The following SLC7A1 variants were observed in gnomAD, a reference collection of about 807,000 sequenced individuals.
SLC7A1 encodes solute carrier family 7 member 1.
In SLC7A1, 10 loss-of-function variants were observed where a neutral mutation model predicts 53.9. The ratio of observed to expected loss-of-function variants is 0.19; its 90% confidence interval spans 0.11 to 0.31. The LOEUF (loss-of-function observed/expected upper bound fraction) is 0.31, where lower values mean the gene tolerates loss of function less well. Ranked by LOEUF, SLC7A1 falls within the 10% of genes least tolerant of loss-of-function variation. The probability of loss-of-function intolerance (pLI) is 1.00; values close to 1 mark genes in which losing one functional copy is unlikely to be tolerated. For missense variants in SLC7A1, 525 were observed against 827.2 expected (o/e 0.63, Z 4.48); for synonymous variants, 342 against 338.7 (o/e 1.01, Z -0.11).
In SLC7A1 at chr13:29,523,313, A is replaced by C. The variant is rs1318130193; in HGVS notation, c.1002T>G (p.Gly334=). The change falls in exon 7 of 13, where the codon GGT becomes GGG. Residue 334 remains glycine (G), a synonymous_variant. Transcript: ENST00000380752. ...AGCCCACGGCCACTGCGTACTTGGCACCTTCCCAGCCCACGTGCTTAAAGG... is the reference window on the plus strand; with the variant it reads ...AGCCCACGGCCACTGCGTACTTGGCCCCTTCCCAGCCCACGTGCTTAAAGG... ...PDAFKHVGWE[G]AKYAVAVGSL... 1 of 1,613,560 alleles carries C rather than the reference A, an allele frequency of 6.2e-7. No homozygotes were observed. The highest frequency in any genetic ancestry group is 1.3e-5 in the African/African-American group (1 of 74,854).
chr13:29,579,911 G>A (rs150427982), intron 1 of SLC7A1, among the ~76,000 whole-genome samples: 14 of 152,262 alleles, frequency 9.2e-5, no homozygotes, highest in Admixed American at 2.6e-4. Flanking sequence ...CTCTACTAGA[G>A]GTCTCTGTCA....
At chr13:29,544,904 C>T (rs1001205934) in intron 2 of SLC7A1, among the ~76,000 whole-genome samples, 8 of 149,976 alleles carry the variant, frequency 5.3e-5, no homozygotes, top group Non-Finnish European at 1.0e-4. Flanking sequence ...TGACTCAACT[C>T]GGCCCCCTCA....
At chr13:29,517,023 T>C (rs1375977526) in intron 11 of SLC7A1, 121 bp downstream of exon 11, 1 of 884,414 alleles carries the variant, frequency 1.1e-6, no homozygotes, top group African/African-American at 1.7e-5. Flanking sequence ...TACCTGAAGC[T>C]GGCTAGCAAA....
intron 2 of SLC7A1, among the ~76,000 whole-genome samples, chr13:29,550,462 G>C (rs1870125983): frequency 6.6e-6 from 1 of 152,370 alleles, no homozygotes; most frequent in East Asian, 1.9e-4. Flanking sequence ...GTGCTGGGCT[G>C]GCTTGATGAG....
chr13:29,514,915 G>A (rs915536603), intron 12 of SLC7A1, among the ~76,000 whole-genome samples: 2 of 152,212 alleles, frequency 1.3e-5, no homozygotes, highest in African/African-American at 2.4e-5. Context: ...CGGAGGCCAC[G>A]AGAGTATCGA....
chr13:29,561,821 C>A (rs1022546861), intron 1 of SLC7A1, among the ~76,000 whole-genome samples: 2 of 152,192 alleles, frequency 1.3e-5, no homozygotes, highest in Admixed American at 6.5e-5. Flanking sequence ...ATGGCACCAC[C>A]GGACTGCATC....
chr13:29,543,051 G>T (rs1277779140), intron 2 of SLC7A1, among the ~76,000 whole-genome samples: 2 of 152,218 alleles, frequency 1.3e-5, no homozygotes, highest in Non-Finnish European at 2.9e-5. Context: ...GCAAAGCACT[G>T]TGACAACTGG....
intron 1 of SLC7A1, among the ~76,000 whole-genome samples, chr13:29,576,215 C>A (rs1000151451): frequency 6.9e-6 from 1 of 145,864 alleles, no homozygotes; most frequent in African/African-American, 2.6e-5. Flanking sequence ...TTGCTTCAAC[C>A]CAGGAGGTCA....
chr13:29,571,694 C>G (rs1871199690), intron 1 of SLC7A1, among the ~76,000 whole-genome samples: 1 of 152,236 alleles, frequency 6.6e-6, no homozygotes, highest in South Asian at 2.1e-4. Context: ...TTCTTCCACT[C>G]TGAACTCAGG....
intron 1 of SLC7A1, among the ~76,000 whole-genome samples, chr13:29,588,666 G>A (rs983767907): frequency 2.6e-5 from 4 of 151,936 alleles, no homozygotes; most frequent in Non-Finnish European, 5.9e-5. Flanking sequence ...ACCAACACCA[G>A]GCTAACTTTT....
At chr13:29,557,201 C>T (rs187850887) in intron 1 of SLC7A1, among the ~76,000 whole-genome samples, 28 of 152,312 alleles carry the variant, frequency 1.8e-4, no homozygotes, top group Admixed American at 1.6e-3. Context: ...TCATAAATAT[C>T]GCAAGCAGCA....
At chr13:29,553,328 A>G (rs1182900047) in intron 2 of SLC7A1, among the ~76,000 whole-genome samples, 1 of 152,242 alleles carries the variant, frequency 6.6e-6, no homozygotes, top group Non-Finnish European at 1.5e-5. Flanking sequence ...CTGTGCTGCA[A>G]GCCAGTGCCC....
intron 2 of SLC7A1, among the ~76,000 whole-genome samples, chr13:29,545,996 T>C (rs1176637079): frequency 2.0e-5 from 3 of 152,246 alleles, no homozygotes; most frequent in African/African-American, 7.2e-5. Flanking sequence ...CCACGCCCTG[T>C]GTGCAGAAAT....
intron 10 of SLC7A1, 93 bp downstream of exon 10, chr13:29,517,480 A>G (rs1236627455): frequency 1.6e-6 from 2 of 1,255,816 alleles, no homozygotes; most frequent in East Asian, 2.3e-5. Context: ...ACAGATGCTC[A>G]TCTTCTCTGG....
chr13:29,525,502 T>C (rs1013164241), intron 5 of SLC7A1, among the ~76,000 whole-genome samples: 5 of 152,128 alleles, frequency 3.3e-5, no homozygotes, highest in Admixed American at 3.3e-4. Flanking sequence ...GGCAGCCCAT[T>C]TGGTGAACTT....
chr13:29,515,877 G>A (rs371527516), intron 12 of SLC7A1, among the ~76,000 whole-genome samples: 73 of 152,346 alleles, frequency 4.8e-4, no homozygotes, highest in African/African-American at 1.6e-3. Context: ...AAAATAACTG[G>A]TACCTTATCT....
At chr13:29,579,447 G>A (rs991742276) in intron 1 of SLC7A1, among the ~76,000 whole-genome samples, 6 of 151,152 alleles carry the variant, frequency 4.0e-5, no homozygotes, top group Non-Finnish European at 7.4e-5. Flanking sequence ...TGCAACCTCC[G>A]CCTCCTGAGT....
intron 2 of SLC7A1, among the ~76,000 whole-genome samples, chr13:29,550,800 T>C (rs1356988520): frequency 6.6e-6 from 1 of 152,136 alleles, no homozygotes; most frequent in Non-Finnish European, 1.5e-5. Flanking sequence ...ACAGAAACAT[T>C]GAGAAAGTAA....
chr13:29,589,971 C>T (rs548346699), intron 1 of SLC7A1, among the ~76,000 whole-genome samples: 10 of 152,176 alleles, frequency 6.6e-5, no homozygotes, highest in Non-Finnish European at 1.3e-4. Flanking sequence ...TAAATAAGTG[C>T]TTGCAATGAT....
Sources: allele counts gnomAD v4.1 joint callset (sites outside exome capture counted in the v4.1 genomes callset), GRCh38; gene constraint gnomAD v4.1.1; transcripts MANE v1.5; gene names NCBI Gene and HGNC (gene_info 2026-07-23, HGNC 2026-07-21).